OTOF: variants seen among roughly 807,000 people sequenced by gnomAD.
The protein encoded by OTOF is otoferlin, also known as fer-1-like family member 2.
Under a neutral mutation model 236.8 loss-of-function variants are expected in OTOF, and 218 were observed. That is an observed-to-expected ratio of 0.92 (90% CI 0.82 to 1.03). The LOEUF (loss-of-function observed/expected upper bound fraction) is 1.03, where lower values mean the gene tolerates loss of function less well. Among genes scored for constraint, OTOF ranks in the 50% least tolerant of loss-of-function variants. OTOF has a pLI of 0.00. For synonymous variants in OTOF, 1,041 were observed against 1,072.5 expected (o/e 0.97, Z 0.57); for missense variants, 2,590 against 2,694.4 (o/e 0.96, Z 0.86).
rs775260480 is a variant in OTOF, at chr2:26,484,491, G to A, written c.1188C>T (p.Asp396=). The stretch of plus-strand genomic sequence containing the variant: ...GGCCTCACCCCTCAATGTCATCTTC[G>A]TCGGTCTCATTGGCCTTGTGGGGCG... ...IKTPHKANET[D]EDDIEGNLLL... The change falls in exon 12 of 47, where the codon GAC becomes GAT. Residue 396 remains aspartate, a synonymous_variant. Coordinates refer to ENST00000272371, the MANE Select transcript of OTOF (RefSeq NM_194248.3). 11 of 1,613,946 alleles carry A rather than the reference G, an allele frequency of 6.8e-6. No individual in the cohort carries two copies. The highest frequency in any genetic ancestry group is 4.4e-5 in the South Asian group (4 of 91,090).
At chr2:26,515,673 T>A (rs1342582738) in intron 5 of OTOF, among the ~76,000 whole-genome samples, 1 of 152,196 alleles carries the variant, frequency 6.6e-6, no homozygotes, top group Non-Finnish European at 1.5e-5. Context: ...CACACCCTGG[T>A]CCTTCAGATG....
At position 26,535,439 on chromosome 2, in the gene OTOF, C is replaced by T. The variant is rs188598512; in HGVS notation, c.138+2277G>A. ...CCACGGGGCTCCCAGGTGGGAAGTG[C>T]GGGATGGCCTGAGCATTGCAAGTCA... On this transcript the variant is annotated intron_variant, in intron 2 of 46. Coordinates refer to ENST00000272371, the MANE Select transcript of OTOF (RefSeq NM_194248.3). Among the ~76,000 whole-genome samples the T allele has an allele frequency of 1.8e-4, 27 of 152,234 alleles. No individual in the cohort carries two copies. In the East Asian group the frequency reaches 3.5e-3, roughly 20 times the overall value.
chr2:26,549,109 G>A (rs968069906), intron 1 of OTOF, among the ~76,000 whole-genome samples: 1 of 152,136 alleles, frequency 6.6e-6, no homozygotes, highest in Non-Finnish European at 1.5e-5. Flanking sequence ...AGTTAAAAAT[G>A]TTTCATAATT....
At chr2:26,510,641 G>C in intron 5 of OTOF, 1 of 1,079,146 alleles carries the variant, frequency 9.3e-7, no homozygotes. Context: ...TCCACAGCCT[G>C]TGGGGAGGAG....
chr2:26,461,665 C>G lies in OTOF; in HGVS notation c.5533+31G>C, dbSNP rs752133491. 7.4e-6 allele frequency: 12 copies of G among 1,612,440 alleles called. No individual in the cohort carries two copies. In the East Asian group the frequency reaches 2.5e-4, roughly 33 times the overall value. The stretch of plus-strand genomic sequence containing the variant: ...CCCCTGCCTCTTCTCAGTTCTGGAT[C>G]CTGAACCCCCATCCCTGCCCTGCTC... On this transcript the variant is annotated intron_variant, in intron 43 of 46. Transcript: ENST00000272371. This position sits in a 1 kb window ranked among gnomAD's most constrained non-coding sequence, Gnocchi z 6.2.
chr2:26,489,633 G>C (rs1376466403), intron 10 of OTOF, 45 bp downstream of exon 10: 1 of 1,533,154 alleles, frequency 6.5e-7, no homozygotes, highest in Admixed American at 1.7e-5. Flanking sequence ...CAAAGGTGCA[G>C]TTTGAGGGAG....
chr2:26,472,289 C>A (rs539502851), intron 30 of OTOF: 5 of 587,672 alleles, frequency 8.5e-6, no homozygotes, highest in African/African-American at 7.4e-5. Context: ...GCACACCACA[C>A]ACATGCGCAC....
At chr2:26,500,745 T>G (rs1666097147) in intron 8 of OTOF, among the ~76,000 whole-genome samples, 1 of 152,210 alleles carries the variant, frequency 6.6e-6, no homozygotes, top group Non-Finnish European at 1.5e-5. Context: ...TGGCCAGATG[T>G]ACCTTTTACA....
rs185011986 is a variant in OTOF at position 26,548,481 on chromosome 2, C to T, written c.79+10012G>A. On this transcript the variant is annotated intron_variant, in intron 1 of 46. Coordinates refer to ENST00000272371, the MANE Select transcript of OTOF (RefSeq NM_194248.3). ...ACTCCATACCCGTGAGCAGTCACTC[C>T]CCATTCTCCCTCCCCACAGCCCTTG... 2.6e-5 allele frequency among the ~76,000 whole-genome samples: 4 copies of T among 152,276 alleles called. No homozygotes were observed. In the East Asian group the frequency reaches 7.7e-4, roughly 29 times the overall value.
At position 26,477,964 on chromosome 2, in the gene OTOF, G is replaced by C. The variant is rs986347883; in HGVS notation, c.2215-215C>G. On this transcript the variant is annotated intron_variant, in intron 18 of 46. Transcript: ENST00000272371. The surrounding 1 kb of genome is among the most constrained non-coding windows in gnomAD (Gnocchi z 4.7). ...TGTTGGTGTTCATGGGGGTTCTTCA[G>C]TTCCTGAAGGAAGAAGCCACCTCTG... 3 of 1,468,192 alleles carry C rather than the reference G, an allele frequency of 2.0e-6. No homozygotes were observed. The African/African-American group carries it at 4.3e-5, about 21-fold the overall frequency. The allele number at this position is 1,468,192 out of a possible 1,614,324, so 90.9% of individuals were successfully genotyped here.
chr2:26,541,987 A>G (rs11126565), intron 1 of OTOF, among the ~76,000 whole-genome samples: 45,407 of 151,980 alleles, frequency 0.3, 8,245 homozygotes, highest in East Asian at 0.82. Flanking sequence ...AGTATGAATA[A>G]CAGAGTCTGT....
rs80356590 is a variant in OTOF at position 26,479,356 on chromosome 2, G to A, written c.2122C>T (p.Arg708Ter). Reference protein sequence around the residue: ...RNYFHLPYLERKPCIYIKSWW... With the variant: ...RNYFHLPYLE ...CTCTTGATGTAGATGCAGGGCTTTC[G>A]CTCCAGGTAGGGCAGATGGAAGTAG... is the stretch of plus-strand genomic sequence containing the variant. Residue 708 changes from arginine (R) to a stop codon, truncating the protein, a stop_gained, in exon 18 of 47, where the codon CGA becomes TGA. Coordinates refer to ENST00000272371, the MANE Select transcript of OTOF (RefSeq NM_194248.3). LOFTEE classifies it high-confidence loss of function. 3.9e-5 allele frequency: 63 copies of A among 1,612,690 alleles called. No homozygotes were observed. Among genetic ancestry groups the A allele is most frequent in the Middle Eastern group, 1.6e-4 (1 of 6,084 alleles).
At chr2:26,517,067 G>A (rs929973279) in intron 4 of OTOF, among the ~76,000 whole-genome samples, 3 of 152,178 alleles carry the variant, frequency 2.0e-5, no homozygotes, top group Admixed American at 6.5e-5. Context: ...AGTGGCCTCC[G>A]GGAGAGGAGC....
chr2:26,547,587 G>A (rs1667363403), intron 1 of OTOF, among the ~76,000 whole-genome samples: 1 of 152,184 alleles, frequency 6.6e-6, no homozygotes, highest in South Asian at 2.1e-4. Flanking sequence ...TGTAATCCCA[G>A]CACTTTGAGA....
At chr2:26,517,226 C>T (rs535112296) in intron 4 of OTOF, among the ~76,000 whole-genome samples, 4 of 149,198 alleles carry the variant, frequency 2.7e-5, no homozygotes, top group South Asian at 2.2e-4. Context: ...TCCTGCTCTG[C>T]GTCCTGGAGC....
intron 3 of OTOF, among the ~76,000 whole-genome samples, chr2:26,524,011 C>A (rs2148108904): frequency 6.6e-6 from 1 of 152,386 alleles, no homozygotes; most frequent in South Asian, 2.1e-4. Context: ...GGGACCTCTT[C>A]TTTCCCATCT....
In OTOF at chr2:26,476,302, C is replaced by T; in HGVS notation, c.2692G>A (p.Gly898Ser). Residue 898 changes from glycine to serine, a missense_variant, in exon 23 of 47, where the codon GGC becomes AGC. Around this residue, in one of 2 missense-constraint regions of OTOF, gnomAD observed 1,379 missense variants for 1,341.6 expected, o/e 1.03. Coordinates refer to ENST00000272371, the MANE Select transcript of OTOF (RefSeq NM_194248.3). ...ACTGTCCAGCCTGCCGAGCCGAAGCCCCGCTTCCCTGGCAGCTGGGGGTGG... is the reference window on the plus strand; with the variant it reads ...ACTGTCCAGCCTGCCGAGCCGAAGCTCCGCTTCCCTGGCAGCTGGGGGTGG... ...TLFLKLPGKR[G>S]FGSAGWTVQA... is the part of the protein sequence containing the mutation. 6.2e-7 allele frequency: 1 copy of T among 1,604,686 alleles called. No individual in the cohort carries two copies.
At chr2:26,493,121 G>T (rs1267839794) in intron 9 of OTOF, among the ~76,000 whole-genome samples, 1 of 152,172 alleles carries the variant, frequency 6.6e-6, no homozygotes. Flanking sequence ...TAAGGCCAGA[G>T]ATGTCAATCC....
At chr2:26,493,334 C>T (rs987231256) in intron 9 of OTOF, among the ~76,000 whole-genome samples, 10 of 152,150 alleles carry the variant, frequency 6.6e-5, no homozygotes, top group Admixed American at 6.5e-4. Context: ...GAAATGCCCT[C>T]CCCCAAGCTA....
Sources: gnomAD v4.1 joint callset for allele counts (sites outside exome capture counted in the v4.1 genomes callset) on GRCh38, gnomAD v4.1.1 for gene constraint, gnomAD v4.1.1 regional missense constraint, Gnocchi (gnomAD v3.1) non-coding constraint, MANE v1.5 for transcripts, NCBI Gene and HGNC (gene_info 2026-07-23, HGNC 2026-07-21) for gene names.